Variants in BMPER observed in about 807,000 individuals in gnomAD.
BMPER encodes the protein BMP-binding endothelial regulator protein.
A neutral mutation model predicts 87.3 loss-of-function variants in BMPER; 45 were observed. That is an observed-to-expected ratio of 0.52 (90% confidence interval 0.41 to 0.66). The LOEUF is 0.66. BMPER is among the 30% of genes least tolerant of loss of function. The pLI, the probability that BMPER is intolerant of heterozygous loss-of-function variation, is 0.00. For missense variants in BMPER, 784 were observed against 867.5 expected (o/e 0.90, Z 1.21); for synonymous variants, 326 against 316.2 (o/e 1.03, Z -0.33).
intron 2 of BMPER, among the ~76,000 whole-genome samples, chr7:33,919,138 C>A (rs768773485): frequency 1.3e-5 from 2 of 152,008 alleles, no homozygotes; most frequent in Admixed American, 6.6e-5. Context: ...AAAAAATTTT[C>A]TTAAATTACT....
chr7:34,040,231 G>T (rs575027666), intron 6 of BMPER, among the ~76,000 whole-genome samples: 1 of 152,150 alleles, frequency 6.6e-6, no homozygotes, highest in African/African-American at 2.4e-5. Flanking sequence ...AGGAAGTGCT[G>T]CTGCCTGGTG....
chr7:34,031,953 C>T lies in BMPER; in HGVS notation c.577-14353C>T, dbSNP rs865874414. 1.0e-3 allele frequency among the ~76,000 whole-genome samples: 101 copies of T among 99,480 alleles called. 1 individual carries two copies. The highest frequency in any genetic ancestry group is 3.2e-3 in the African/African-American group (79 of 24,420). The allele number at this position is 99,480 out of a possible 152,430, so 65.3% of individuals were successfully genotyped here. The stretch of plus-strand genomic sequence containing the variant: ...ACACACACACACACACATATATATA[C>T]ACACACACATATATATAAATATATC... On this transcript the variant is annotated intron_variant, in intron 6 of 14. Coordinates refer to ENST00000649409, the MANE Select transcript of BMPER (RefSeq NM_001365308.1).
chr7:34,064,505 T>A (rs1788526369), intron 11 of BMPER, among the ~76,000 whole-genome samples: 1 of 152,188 alleles, frequency 6.6e-6, no homozygotes, highest in African/African-American at 2.4e-5. Context: ...AAAGGTATTA[T>A]AAAATAGAAG....
intron 13 of BMPER, among the ~76,000 whole-genome samples, chr7:34,128,565 G>A (rs1790463155): frequency 6.6e-6 from 1 of 152,138 alleles, no homozygotes; most frequent in South Asian, 2.1e-4. Context: ...AAAAGCAAAG[G>A]AAGTAAAAAA....
At chr7:33,923,377 T>G (rs1784282176) in intron 2 of BMPER, among the ~76,000 whole-genome samples, 1 of 152,252 alleles carries the variant, frequency 6.6e-6, no homozygotes, top group Non-Finnish European at 1.5e-5. Context: ...CTAGTGGGTC[T>G]GTGCCCTCTT....
intron 6 of BMPER, among the ~76,000 whole-genome samples, chr7:34,004,451 G>A (rs1478605794): frequency 6.6e-6 from 1 of 151,760 alleles, no homozygotes; most frequent in Non-Finnish European, 1.5e-5. Flanking sequence ...GTGTTTTTTT[G>A]CATATCTCAT....
intron 6 of BMPER, among the ~76,000 whole-genome samples, chr7:34,018,696 C>G (rs1224011865): frequency 6.6e-6 from 1 of 151,814 alleles, no homozygotes; most frequent in Non-Finnish European, 1.5e-5. Flanking sequence ...ACGAATAATT[C>G]CTGAGATGCT....
chr7:33,974,907 T>C, intron 6 of BMPER, 123 bp downstream of exon 6: 3 of 974,762 alleles, frequency 3.1e-6, no homozygotes, highest in South Asian at 2.7e-5. Context: ...AGTCCGTCCC[T>C]CCTGATGTGG....
intron 13 of BMPER, among the ~76,000 whole-genome samples, chr7:34,127,934 T>G (rs1474069441): frequency 6.6e-6 from 1 of 152,214 alleles, no homozygotes; most frequent in African/African-American, 2.4e-5. Context: ...CTTATTAGCT[T>G]GCTTTCCTGA....
chr7:34,036,200 T>C (rs1490700244), intron 6 of BMPER, among the ~76,000 whole-genome samples: 1 of 152,200 alleles, frequency 6.6e-6, no homozygotes. Context: ...GCAGTAGGCT[T>C]GTAACAGCTT....
chr7:34,106,083 T>C (rs1383110431), intron 13 of BMPER, among the ~76,000 whole-genome samples: 2 of 152,146 alleles, frequency 1.3e-5, no homozygotes, highest in African/African-American at 4.8e-5. Flanking sequence ...AGTAAACAGA[T>C]TGTGATCTGT....
In BMPER at chr7:33,970,339, T is replaced by C. The variant is rs758047610; in HGVS notation, c.413T>C (p.Val138Ala). 1 of 1,614,042 alleles carries C rather than the reference T, an allele frequency of 6.2e-7. No individual in the cohort carries two copies. The highest frequency in any genetic ancestry group is 1.6e-4 in the Middle Eastern group (1 of 6,062). The change falls in exon 5 of 15, where the codon GTC becomes GCC. Residue 138 changes from valine to alanine, a missense_variant. Coordinates refer to ENST00000649409, the MANE Select transcript of BMPER (RefSeq NM_001365308.1). ...CVLRQCQEGV[V>A]TESGVRCVVH... ...TGTTCTGTGTTTCAGGAGGGCGTTGTCACAGAGTCTGGGGTGCGCTGTGTT... is the reference window on the plus strand; with the variant it reads ...TGTTCTGTGTTTCAGGAGGGCGTTGCCACAGAGTCTGGGGTGCGCTGTGTT...
chr7:34,041,072 C>G (rs1787820722), intron 6 of BMPER, among the ~76,000 whole-genome samples: 1 of 152,134 alleles, frequency 6.6e-6, no homozygotes, highest in South Asian at 2.1e-4. Context: ...ACTTCACACT[C>G]CAGCTGAGAA....
At chr7:34,047,479 A>G (rs1585773986) in intron 7 of BMPER, among the ~76,000 whole-genome samples, 1 of 151,690 alleles carries the variant, frequency 6.6e-6, no homozygotes, top group Admixed American at 6.6e-5. Context: ...GTGTTTCATC[A>G]TGTTGGCCTG....
chr7:34,080,132 A>G (rs2127974596), intron 12 of BMPER, among the ~76,000 whole-genome samples: 1 of 152,308 alleles, frequency 6.6e-6, no homozygotes, highest in East Asian at 1.9e-4. Flanking sequence ...GATACTTCTA[A>G]GGAAATCAGT....
chr7:34,116,999 A>G (rs1046258024), intron 13 of BMPER, among the ~76,000 whole-genome samples: 6 of 152,090 alleles, frequency 3.9e-5, no homozygotes, highest in Admixed American at 6.6e-5. Context: ...CCGAAAAAAA[A>G]AAAAGAAAAG....
chr7:34,010,777 A>G (rs1388130830), intron 6 of BMPER, among the ~76,000 whole-genome samples: 4 of 151,890 alleles, frequency 2.6e-5, no homozygotes, highest in Admixed American at 2.0e-4. Flanking sequence ...TTCTACATTT[A>G]TGAAATCTGA....
intron 3 of BMPER, among the ~76,000 whole-genome samples, 167 bp from the exon 4 acceptor site, chr7:33,966,312 A>G (rs1785404669): frequency 6.6e-6 from 1 of 152,206 alleles, no homozygotes; most frequent in Non-Finnish European, 1.5e-5. Context: ...TGTCAAGTGG[A>G]TACTTAGAAG....
intron 2 of BMPER, among the ~76,000 whole-genome samples, chr7:33,920,619 TTCC>T (rs1784205746): frequency 4.6e-5 from 7 of 151,956 alleles, no homozygotes; most frequent in African/African-American, 1.7e-4. Context: ...AGAGATGGGG[TTCC>T]ACCATGTTGG....
Sources: allele counts gnomAD v4.1 joint callset (sites outside exome capture counted in the v4.1 genomes callset), GRCh38; gene constraint gnomAD v4.1.1; transcripts MANE v1.5; gene names NCBI Gene and HGNC (gene_info 2026-07-23, HGNC 2026-07-21).